Variants in SNAPC3 observed in about 807,000 individuals in gnomAD.
The protein encoded by SNAPC3 is snRNA-activating protein complex subunit 3.
In SNAPC3, 56 loss-of-function variants were observed where a neutral mutation model predicts 47.7. That is an observed-to-expected ratio of 1.18 (90% CI 0.95 to 1.47). SNAPC3 has a LOEUF of 1.47. Ranked by LOEUF, SNAPC3 falls within the 40% of genes most tolerant of loss-of-function variation. SNAPC3 has a pLI of 0.00. For missense variants in SNAPC3, 665 were observed against 511.3 expected (o/e 1.30, Z -2.90); for synonymous variants, 235 against 189.9 (o/e 1.24, Z -1.95).
At chr9:15,447,265 A>T (rs1307078103) in intron 5 of SNAPC3, 21 bp downstream of exon 5, 2 of 1,610,726 alleles carry the variant, frequency 1.2e-6, no homozygotes, top group Admixed American at 3.3e-5. Flanking sequence ...TTCCTCCCAT[A>T]AAACAAAAGG....
At chr9:15,446,054 A>G (rs878945570) in intron 4 of SNAPC3, among the ~76,000 whole-genome samples, 17 of 152,224 alleles carry the variant, frequency 1.1e-4, no homozygotes, top group Non-Finnish European at 1.8e-4. Context: ...CCTGACCTCA[A>G]TGAAGTAACT....
In SNAPC3 at chr9:15,433,654, C is replaced by G; in HGVS notation, c.477+18C>G. The G allele has an allele frequency of 1.4e-6, 2 of 1,427,426 alleles. No homozygotes were observed. Among genetic ancestry groups the G allele is most frequent in the Non-Finnish European group, 9.8e-7 (1 of 1,016,892 alleles). 88.4% of individuals were successfully genotyped at this position (1,427,426 alleles called of 1,614,324 possible). On this transcript the variant is annotated intron_variant, in intron 3 of 8. Transcript: ENST00000380821. ...ATGAGATGGTAATTAAGAGTCTCAT[C>G]TTTTTCACCCTTTTCTCTTAAAACA...
chr9:15,439,358 T>C (rs1422692996), intron 3 of SNAPC3, among the ~76,000 whole-genome samples: 1 of 152,192 alleles, frequency 6.6e-6, no homozygotes, highest in Non-Finnish European at 1.5e-5. Flanking sequence ...TTTGCCAATA[T>C]ATAATATCCT....
intron 2 of SNAPC3, among the ~76,000 whole-genome samples, chr9:15,427,836 A>G (rs1324349133): frequency 6.6e-6 from 1 of 152,226 alleles, no homozygotes; most frequent in Non-Finnish European, 1.5e-5. Flanking sequence ...CAAAACTCCT[A>G]TTCCACCAAA....
In SNAPC3 at chr9:15,444,629, G is replaced by C; in HGVS notation, c.505G>C (p.Glu169Gln). The change falls in exon 4 of 9, where the codon GAA becomes CAA. Residue 169 changes from glutamate (E) to glutamine (Q), a missense_variant. Glu to Gln is a conservative substitution (Grantham distance 29). Transcript: ENST00000380821. ...GTCACATGCCATAGGAAAAAAGCCT[G>C]AAAATTCAGCAGACATGATTGAAGA... ...MESHAIGKKP[E>Q]NSADMIEEGE... is the part of the protein sequence containing the mutation. 1 of 1,612,464 alleles carries C rather than the reference G, an allele frequency of 6.2e-7. No individual in the cohort carries two copies.
chr9:15,447,341 C>A, intron 5 of SNAPC3, 97 bp downstream of exon 5: 1 of 1,076,572 alleles, frequency 9.3e-7, no homozygotes, highest in Non-Finnish European at 1.4e-6. Context: ...AAATCCTTTT[C>A]TTCTCCTGCG....
chr9:15,436,258 C>T (rs1460150663), intron 3 of SNAPC3, among the ~76,000 whole-genome samples: 1 of 152,174 alleles, frequency 6.6e-6, no homozygotes, highest in African/African-American at 2.4e-5. Flanking sequence ...AAAACATTGC[C>T]AGATGCAGCA....
intron 7 of SNAPC3, among the ~76,000 whole-genome samples, chr9:15,455,149 T>G (rs760854032): frequency 4.6e-5 from 7 of 152,060 alleles, no homozygotes; most frequent in Non-Finnish European, 8.8e-5. Flanking sequence ...CAATTAAGAA[T>G]GGAAAACAAT....
chr9:15,434,520 G>C (rs2032556990), intron 3 of SNAPC3, among the ~76,000 whole-genome samples: 1 of 151,096 alleles, frequency 6.6e-6, no homozygotes. Context: ...CGATTCTCCT[G>C]CCTCAGCCTT....
intron 4 of SNAPC3, among the ~76,000 whole-genome samples, chr9:15,445,953 C>T (rs545803545): frequency 2.0e-5 from 3 of 152,178 alleles, no homozygotes; most frequent in Non-Finnish European, 4.4e-5. Context: ...CCCCCTTCTC[C>T]CCAGAAAAAG....
chr9:15,442,847 C>G (rs149239128), intron 3 of SNAPC3, among the ~76,000 whole-genome samples: 4 of 152,122 alleles, frequency 2.6e-5, no homozygotes, highest in African/African-American at 9.7e-5. Context: ...TGTAGCAAGC[C>G]GAGATCACGC....
rs1399823942 is a variant in SNAPC3 at position 15,449,502 on chromosome 9, C to G, written c.733-1818C>G. ...TGTATTTTAAAATGTTTACATATCTCCTGTTATATTGTTTCTGTCTCTTCT... is the reference window on the plus strand; with the variant it reads ...TGTATTTTAAAATGTTTACATATCTGCTGTTATATTGTTTCTGTCTCTTCT... On this transcript the variant is annotated intron_variant, in intron 5 of 8. Coordinates refer to ENST00000380821, the MANE Select transcript of SNAPC3 (RefSeq NM_001039697.2). 2.8e-5 allele frequency among the ~76,000 whole-genome samples: 4 copies of G among 142,040 alleles called. No individual in the cohort carries two copies. In the South Asian group the frequency reaches 8.9e-4, roughly 32 times the overall value. The allele number at this position is 142,040 out of a possible 152,430, so 93.2% of individuals were successfully genotyped here.
intron 2 of SNAPC3, among the ~76,000 whole-genome samples, chr9:15,429,294 CGAA>C (rs1417206212): frequency 6.6e-6 from 1 of 152,000 alleles, no homozygotes; most frequent in African/African-American, 2.4e-5. Context: ...TTCGACATAA[CGAA>C]AACCTGGGTA....
At chr9:15,450,197 G>C (rs2034285332) in intron 5 of SNAPC3, among the ~76,000 whole-genome samples, 1 of 152,096 alleles carries the variant, frequency 6.6e-6, no homozygotes, top group Non-Finnish European at 1.5e-5. Flanking sequence ...TATGAGGAAA[G>C]TAAAGGCTTT....
chr9:15,438,156 T>TA (rs1415021741), intron 3 of SNAPC3, among the ~76,000 whole-genome samples: 29 of 152,338 alleles, frequency 1.9e-4, no homozygotes, highest in African/African-American at 6.7e-4. Flanking sequence ...TCAACCTCCT[T>TA]ACTTGTTACA....
intron 3 of SNAPC3, among the ~76,000 whole-genome samples, chr9:15,440,948 C>CA (rs1199527486): frequency 0.7 from 85,354 of 121,514 alleles, 30,902 homozygotes; most frequent in Non-Finnish European, 0.81. Flanking sequence ...GACTCCGTCT[C>CA]AAAAAAAAAA....
At chr9:15,454,187 G>A (rs139104330) in intron 7 of SNAPC3, among the ~76,000 whole-genome samples, 63 of 151,574 alleles carry the variant, frequency 4.2e-4, no homozygotes, top group African/African-American at 1.3e-3. Context: ...CTATGATCAT[G>A]CCGCTGCATT....
In SNAPC3 at chr9:15,447,180, G is replaced by A; in HGVS notation, c.668G>A (p.Ser223Asn). The A allele has an allele frequency of 6.2e-7, 1 of 1,613,628 alleles. No individual in the cohort carries two copies. Among genetic ancestry groups the A allele is most frequent in the Non-Finnish European group, 8.5e-7 (1 of 1,179,528 alleles). Reference sequence around the variant, plus strand: ...CTGAGGGATTCAATTCGATGTGTCAGTGACCTCCAGATTGGTGGTGAATTC... The same window carrying A: ...CTGAGGGATTCAATTCGATGTGTCAATGACCTCCAGATTGGTGGTGAATTC... ...TQLRDSIRCVSDLQIGGEFSN... is the reference protein window; with the variant it reads ...TQLRDSIRCVNDLQIGGEFSN... Residue 223 changes from serine to asparagine, a missense_variant, in exon 5 of 9, where the codon AGT becomes AAT. Coordinates refer to ENST00000380821, the MANE Select transcript of SNAPC3 (RefSeq NM_001039697.2).
intron 1 of SNAPC3, 130 bp downstream of exon 1, chr9:15,423,323 A>G: frequency 1.1e-6 from 1 of 941,288 alleles, no homozygotes; most frequent in East Asian, 3.2e-5. Flanking sequence ...ATTACCCTTT[A>G]AAGCTTTCAA....
Sources: gnomAD v4.1 joint callset for allele counts (sites outside exome capture counted in the v4.1 genomes callset) on GRCh38, gnomAD v4.1.1 for gene constraint, MANE v1.5 for transcripts, NCBI Gene and HGNC (gene_info 2026-07-23, HGNC 2026-07-21) for gene names.